Variants in DOCK10 observed in about 807,000 individuals in gnomAD.
The protein encoded by DOCK10 is dedicator of cytokinesis protein 10.
DOCK10 carries 145 observed loss-of-function variants against 280.1 expected under a neutral mutation model. The observed-to-expected ratio is 0.52, with a 90% confidence interval of 0.45 to 0.59. The LOEUF is 0.59. Ranked by LOEUF, DOCK10 falls within the 20% of genes least tolerant of loss-of-function variation. The probability of loss-of-function intolerance (pLI) is 0.00; values close to 1 mark genes in which losing one functional copy is unlikely to be tolerated. For synonymous variants in DOCK10, 915 were observed against 942.2 expected, an observed-to-expected ratio of 0.97 and a Z score of 0.53; for missense variants, 2,368 against 2,651.7, an observed-to-expected ratio of 0.89 and a Z score of 2.35.
chr2:224,920,235 ACTT>A (rs1701621505), intron 2 of DOCK10, among the ~76,000 whole-genome samples: 1 of 79,880 alleles, frequency 1.3e-5, no homozygotes, highest in Non-Finnish European at 2.3e-5. Context: ...GCTAATTTTC[ACTT>A]TTTTTTTTTT....
intron 1 of DOCK10, among the ~76,000 whole-genome samples, chr2:224,986,529 T>C (rs1025422907): frequency 2.0e-5 from 3 of 152,128 alleles, no homozygotes; most frequent in Non-Finnish European, 4.4e-5. Context: ...TCTAAGAAAG[T>C]AATAAGGTTT....
chr2:224,917,101 C>CTTTTTTTTTTTTTTTTTTTTTTTTTT (rs58223345), intron 2 of DOCK10, among the ~76,000 whole-genome samples: 1 of 95,772 alleles, frequency 1.0e-5, no homozygotes, highest in African/African-American at 4.5e-5. Context: ...CTATTGGAAT[C>CTTTTTTTTTTTTTTTTTTTTTTTTTT]TTTTTTTTTT....
intron 28 of DOCK10, among the ~76,000 whole-genome samples, chr2:224,822,694 A>G (rs1027479489): frequency 2.0e-5 from 3 of 152,112 alleles, no homozygotes; most frequent in African/African-American, 7.2e-5. Flanking sequence ...GCTTGGGTTG[A>G]CAGAGTGAGA....
chr2:225,035,588 A>ATATATATT (rs1559987127), intron 1 of DOCK10, among the ~76,000 whole-genome samples: 1 of 112,974 alleles, frequency 8.9e-6, no homozygotes, highest in Non-Finnish European at 1.7e-5. Flanking sequence ...ATATATATAT[A>ATATATATT]ACACTGAATC....
At chr2:224,886,885 A>AC (rs1699320005) in intron 4 of DOCK10, among the ~76,000 whole-genome samples, 2 of 116,114 alleles carry the variant, frequency 1.7e-5, no homozygotes, top group African/African-American at 4.8e-5. Context: ...CAGCACCCCC[A>AC]ACACCCCCCC....
chr2:225,013,781 A>C (rs1171510863), intron 1 of DOCK10, among the ~76,000 whole-genome samples: 1 of 152,130 alleles, frequency 6.6e-6, no homozygotes. Context: ...GGTTCTCTTC[A>C]GTTCAACCAC....
intron 1 of DOCK10, among the ~76,000 whole-genome samples, chr2:224,958,843 A>G (rs750740091): frequency 4.3e-4 from 65 of 152,204 alleles, no homozygotes; most frequent in Non-Finnish European, 7.4e-4. Flanking sequence ...TGAACAGCAG[A>G]AAAGAGTATT....
At chr2:225,035,639 T>C (rs1415775423) in intron 1 of DOCK10, among the ~76,000 whole-genome samples, 3 of 135,378 alleles carry the variant, frequency 2.2e-5, no homozygotes, top group African/African-American at 6.3e-5. Flanking sequence ...CGGGCTGCCA[T>C]AATAACCAAA....
At chr2:224,939,460 AGTG>A (rs1287246527) in intron 1 of DOCK10, among the ~76,000 whole-genome samples, 1 of 152,248 alleles carries the variant, frequency 6.6e-6, no homozygotes, top group African/African-American at 2.4e-5. Context: ...AAAATTTAAA[AGTG>A]GCTGCTTCTC....
intron 43 of DOCK10, 126 bp from the exon 44 acceptor site, chr2:224,796,552 T>G: frequency 1.6e-6 from 1 of 623,480 alleles, no homozygotes; most frequent in East Asian, 2.7e-5. Context: ...AGTGTTTATG[T>G]ATTAAAGCTC....
At chr2:224,951,390 A>G (rs1190037629) in intron 1 of DOCK10, among the ~76,000 whole-genome samples, 2 of 152,244 alleles carry the variant, frequency 1.3e-5, no homozygotes, top group Non-Finnish European at 2.9e-5. Flanking sequence ...TGTACATACA[A>G]AACGCACAGT....
At chr2:224,920,664 T>TA (rs35854256) in intron 2 of DOCK10, among the ~76,000 whole-genome samples, 4 of 150,982 alleles carry the variant, frequency 2.6e-5, no homozygotes, top group Admixed American at 6.6e-5. Context: ...TCTTTCTAAT[T>TA]AAAAAAAAAT....
chr2:224,853,014 C>T lies in DOCK10; in HGVS notation c.1997G>A (p.Arg666Gln), dbSNP rs372497608. The change falls in exon 17 of 56, where the codon CGG (arginine) becomes CAG (glutamine). Residue 666 changes from arginine to glutamine, a missense_variant. By Grantham distance (43) the Arg-to-Gln change is conservative. Coordinates refer to ENST00000258390, the MANE Select transcript of DOCK10 (RefSeq NM_014689.3). The stretch of plus-strand genomic sequence containing the variant: ...TTGATTTTTATATACTCTGTAAGGC[C>T]GACAATACTTTGTTGAATCGTAAAC... ...EFVYDSTKYC[R>Q]PYRVYKNQIY... 12 of 1,612,360 alleles carry T rather than the reference C, an allele frequency of 7.4e-6. No homozygotes were observed. The highest frequency in any genetic ancestry group is 3.3e-5 in the South Asian group (3 of 90,914).
At chr2:224,913,646 T>G (rs1701153594) in intron 3 of DOCK10, among the ~76,000 whole-genome samples, 1 of 152,220 alleles carries the variant, frequency 6.6e-6, no homozygotes, top group Non-Finnish European at 1.5e-5. Context: ...TCTGTCAGTT[T>G]TCCCTAACTT....
In DOCK10 at chr2:224,774,507, T is replaced by C. The variant is rs527295142; in HGVS notation, c.6013+398A>G. On this transcript the variant is annotated intron_variant, in intron 52 of 55. Transcript: ENST00000258390. Reference sequence around the variant, plus strand: ...TGGAGACCGACATCTGCATTCGTTTTACAGATGAAGAATATGAATCCCAGA... The same window carrying C: ...TGGAGACCGACATCTGCATTCGTTTCACAGATGAAGAATATGAATCCCAGA... 5.3e-5 allele frequency among the ~76,000 whole-genome samples: 8 copies of C among 152,324 alleles called. No homozygotes were observed. The East Asian group carries it at 1.2e-3, about 22-fold the overall frequency.
intron 50 of DOCK10, among the ~76,000 whole-genome samples, chr2:224,784,310 C>T (rs1035842798): frequency 1.3e-5 from 2 of 152,156 alleles, no homozygotes; most frequent in Admixed American, 6.5e-5. Flanking sequence ...TACCAATAAC[C>T]ATCACTCCAA....
chr2:224,830,037 T>A (rs1335385149), intron 27 of DOCK10, among the ~76,000 whole-genome samples: 1 of 152,174 alleles, frequency 6.6e-6, no homozygotes, highest in East Asian at 1.9e-4. Flanking sequence ...AGTTGCTGTA[T>A]CTTGCAATAT....
At chr2:224,979,813 G>A (rs1021853744) in intron 1 of DOCK10, among the ~76,000 whole-genome samples, 2 of 152,084 alleles carry the variant, frequency 1.3e-5, no homozygotes, top group Non-Finnish European at 1.5e-5. Flanking sequence ...CCATACAACT[G>A]CTCTAATTTG....
chr2:224,972,152 A>G (rs1318055207), intron 1 of DOCK10, among the ~76,000 whole-genome samples: 1 of 152,202 alleles, frequency 6.6e-6, no homozygotes, highest in African/African-American at 2.4e-5. Flanking sequence ...TACTGTGCAA[A>G]GTTTGTAGCA....
Sources: allele counts gnomAD v4.1 joint callset (sites outside exome capture counted in the v4.1 genomes callset), GRCh38; gene constraint gnomAD v4.1.1; transcripts MANE v1.5; gene names NCBI Gene and HGNC (gene_info 2026-07-23, HGNC 2026-07-21).